WWOX: variants seen among roughly 807,000 people sequenced by gnomAD.
The protein encoded by WWOX is WW domain containing oxidoreductase.
WWOX carries 69 observed loss-of-function variants against 46.2 expected under a neutral mutation model. That is an observed-to-expected ratio of 1.49 (90% CI 1.23 to 1.82). The LOEUF is 1.82. WWOX is among the 40% of genes most tolerant of loss of function. The pLI is 0.00. For synonymous variants in WWOX, 359 were observed against 202.6 expected (o/e 1.77, Z -6.56); for missense variants, 919 against 542.6 (o/e 1.69, Z -6.89).
At chr16:78,372,967 C>G (rs1361853896) in intron 5 of WWOX, among the ~76,000 whole-genome samples, 1 of 152,152 alleles carries the variant, frequency 6.6e-6, no homozygotes, top group Non-Finnish European at 1.5e-5. Flanking sequence ...TATTTGAATT[C>G]ATAATGGGCT....
intron 8 of WWOX, among the ~76,000 whole-genome samples, chr16:78,858,600 T>C (rs928321464): frequency 1.3e-5 from 2 of 152,110 alleles, no homozygotes; most frequent in African/African-American, 4.8e-5. Context: ...GAGTGTGGCT[T>C]AGGAGCTGAG....
chr16:78,442,816 C>T (rs2083473727), intron 8 of WWOX, among the ~76,000 whole-genome samples: 1 of 151,596 alleles, frequency 6.6e-6, no homozygotes, highest in African/African-American at 2.4e-5. Flanking sequence ...TCTGTCTCTA[C>T]TAAAAAGATA....
At chr16:78,860,338 C>T (rs1482023428) in intron 8 of WWOX, among the ~76,000 whole-genome samples, 3 of 152,192 alleles carry the variant, frequency 2.0e-5, no homozygotes, top group South Asian at 2.1e-4. Flanking sequence ...AATTCCCACA[C>T]TTGGCCCCCT....
chr16:78,888,003 C>G (rs535053526), intron 8 of WWOX, among the ~76,000 whole-genome samples: 3 of 152,188 alleles, frequency 2.0e-5, no homozygotes, highest in African/African-American at 4.8e-5. Flanking sequence ...CCACATTGGA[C>G]TTGTCAGAGA....
At chr16:78,611,685 C>G (rs1597346252) in intron 8 of WWOX, among the ~76,000 whole-genome samples, 1 of 152,344 alleles carries the variant, frequency 6.6e-6, no homozygotes, top group Non-Finnish European at 1.5e-5. Context: ...ACAAACAGTT[C>G]CAAATATCAG....
At chr16:78,724,846 A>T (rs2048787446) in intron 8 of WWOX, among the ~76,000 whole-genome samples, 1 of 152,048 alleles carries the variant, frequency 6.6e-6, no homozygotes, top group African/African-American at 2.4e-5. Flanking sequence ...TCTGATTCTT[A>T]CCTCTAAGAG....
intron 8 of WWOX, among the ~76,000 whole-genome samples, chr16:78,880,967 C>G (rs1371387200): frequency 6.6e-6 from 1 of 150,794 alleles, no homozygotes; most frequent in Admixed American, 6.7e-5. Context: ...CTTTCGGTCC[C>G]CTAAAGCTTC....
chr16:78,625,569 G>A (rs915136101), intron 8 of WWOX, among the ~76,000 whole-genome samples: 15 of 151,818 alleles, frequency 9.9e-5, no homozygotes, highest in Middle Eastern at 3.2e-3. Context: ...TTATTTTAAC[G>A]TCTTATGTTA....
At chr16:78,215,160 T>G (rs2036678068) in intron 5 of WWOX, among the ~76,000 whole-genome samples, 1 of 152,186 alleles carries the variant, frequency 6.6e-6, no homozygotes, top group Admixed American at 6.5e-5. Flanking sequence ...TAAAATCACT[T>G]AAGTCCCATG....
intron 8 of WWOX, among the ~76,000 whole-genome samples, chr16:78,967,829 G>A (rs2151319470): frequency 6.6e-6 from 1 of 152,222 alleles, no homozygotes; most frequent in Admixed American, 6.5e-5. Flanking sequence ...GATGGGAGAG[G>A]ATGGGAGTGA....
At chr16:79,020,534 C>G (rs562527017) in intron 8 of WWOX, among the ~76,000 whole-genome samples, 2 of 152,184 alleles carry the variant, frequency 1.3e-5, no homozygotes, top group African/African-American at 2.4e-5. Flanking sequence ...AAAAGACAGG[C>G]TAGCACATAC....
chr16:78,212,231 T>C (rs2036582127), intron 5 of WWOX, among the ~76,000 whole-genome samples: 6 of 152,116 alleles, frequency 3.9e-5, no homozygotes, highest in Admixed American at 3.3e-4. Context: ...GAAAGCTCAC[T>C]CCATGGAAAA....
intron 8 of WWOX, among the ~76,000 whole-genome samples, chr16:79,031,551 A>T (rs534786429): frequency 6.6e-6 from 1 of 152,138 alleles, no homozygotes; most frequent in Non-Finnish European, 1.5e-5. Flanking sequence ...CCCCCTGTGG[A>T]TGTGTATGCT....
At chr16:78,337,351 G>A (rs962806243) in intron 5 of WWOX, among the ~76,000 whole-genome samples, 7 of 152,128 alleles carry the variant, frequency 4.6e-5, no homozygotes, top group African/African-American at 1.7e-4. Flanking sequence ...TGTACCCACC[G>A]ATCGCAATTG....
intron 8 of WWOX, among the ~76,000 whole-genome samples, chr16:78,484,929 T>G (rs1774273325): frequency 6.6e-6 from 1 of 152,130 alleles, no homozygotes; most frequent in South Asian, 2.1e-4. Context: ...CCGGGCTGTT[T>G]GTGTACTACA....
intron 8 of WWOX, among the ~76,000 whole-genome samples, chr16:79,036,928 G>T (rs886403008): frequency 6.6e-6 from 1 of 152,176 alleles, no homozygotes; most frequent in Non-Finnish European, 1.5e-5. Flanking sequence ...CTGAAGATAC[G>T]TATTTCTCAG....
chr16:78,974,135 A>G (rs79294982), intron 8 of WWOX, among the ~76,000 whole-genome samples: 2,516 of 152,332 alleles, frequency 0.017, 66 homozygotes, highest in African/African-American at 0.055. Context: ...GTGCAGTGTG[A>G]TTTCACAAAT....
rs1481076679 is a variant in WWOX, at chr16:78,513,364, T to C, written c.1056+80612T>C. Reference sequence around the variant, plus strand: ...GATAAAAGATGTAATTATTGGGTCGTAGGAAATAATGATTGAGATAGGGTA... The same window carrying C: ...GATAAAAGATGTAATTATTGGGTCGCAGGAAATAATGATTGAGATAGGGTA... On this transcript the variant is annotated intron_variant, in intron 8 of 8. Transcript: ENST00000566780. Among the ~76,000 whole-genome samples the C allele has an allele frequency of 2.0e-5, 3 of 152,142 alleles. No individual in the cohort carries two copies. In the East Asian group the frequency reaches 5.8e-4, roughly 29 times the overall value.
intron 8 of WWOX, among the ~76,000 whole-genome samples, chr16:78,825,044 A>G (rs1038395621): frequency 1.3e-5 from 2 of 152,202 alleles, no homozygotes; most frequent in African/African-American, 2.4e-5. Flanking sequence ...CCTAAACCCT[A>G]CAAGGCTAGG....
Sources: allele counts gnomAD v4.1 joint callset (sites outside exome capture counted in the v4.1 genomes callset), GRCh38; gene constraint gnomAD v4.1.1; transcripts MANE v1.5; gene names NCBI Gene and HGNC (gene_info 2026-07-23, HGNC 2026-07-21).